Variants in SVIL observed in about 807,000 individuals in gnomAD.
The protein encoded by SVIL is supervillin, also known as archvillin.
Under a neutral mutation model 240.4 loss-of-function variants are expected in SVIL, and 101 were observed. That is an observed-to-expected ratio of 0.42 (90% CI 0.36 to 0.50). SVIL has a LOEUF of 0.50. Among genes scored for constraint, SVIL ranks in the 20% least tolerant of loss-of-function variants. SVIL has a pLI of 0.01. For synonymous variants in SVIL, 999 were observed against 1,100.0 expected, an observed-to-expected ratio of 0.91 and a Z score of 1.82; for missense variants, 2,512 against 2,818.7, an observed-to-expected ratio of 0.89 and a Z score of 2.46.
At chr10:29,551,844 C>G (rs1035722993) in intron 5 of SVIL, among the ~76,000 whole-genome samples, 2 of 152,162 alleles carry the variant, frequency 1.3e-5, no homozygotes, top group African/African-American at 4.8e-5. Context: ...GGCATAGTGG[C>G]TCACACCTGT....
chr10:29,711,914 A>G (rs1963313847), intron 1 of SVIL: 1 of 145,460 alleles, frequency 6.9e-6, no homozygotes, highest in Non-Finnish European at 1.6e-5. Context: ...ATTACAGTAC[A>G]TGTACTAAAA....
chr10:29,623,779 A>T (rs183646580), intron 1 of SVIL, among the ~76,000 whole-genome samples: 264 of 150,864 alleles, frequency 1.7e-3, no homozygotes, highest in Non-Finnish European at 2.9e-3. Flanking sequence ...TGAACCCAGG[A>T]GGGGGAGGTT....
chr10:29,490,737 C>G (rs1430824968), intron 22 of SVIL, 110 bp downstream of exon 22: 1 of 1,357,560 alleles, frequency 7.4e-7, no homozygotes, highest in East Asian at 2.3e-5. Flanking sequence ...TCATGAGGGT[C>G]TTCTGAGCAC....
intron 6 of SVIL, among the ~76,000 whole-genome samples, chr10:29,540,771 C>A (rs1952088445): frequency 6.6e-6 from 1 of 152,180 alleles, no homozygotes; most frequent in Non-Finnish European, 1.5e-5. Context: ...AGTGCCGTTT[C>A]CACCGTCAGA....
At chr10:29,635,092 G>T (rs531073543), upstream of SVIL, 2 of 152,294 alleles carry the variant, frequency 1.3e-5, no homozygotes, top group East Asian at 1.9e-4. Flanking sequence ...CAGCAGGCCT[G>T]GCCAGCAGCT....
chr10:29,626,216 C>A (rs1957860820), intron 1 of SVIL, among the ~76,000 whole-genome samples: 1 of 152,094 alleles, frequency 6.6e-6, no homozygotes, highest in Non-Finnish European at 1.5e-5. Flanking sequence ...CGGTTATGGC[C>A]CCTACATCAG....
At chr10:29,685,275 T>C (rs1295366222) in intron 2 of SVIL, among the ~76,000 whole-genome samples, 1 of 152,256 alleles carries the variant, frequency 6.6e-6, no homozygotes, top group African/African-American at 2.4e-5. Context: ...GTCTGTGTAG[T>C]ATTCCATAGT....
chr10:29,545,853 C>CAAAAAAAAAAAA (rs755360700), intron 6 of SVIL, among the ~76,000 whole-genome samples: 25 of 63,558 alleles, frequency 3.9e-4, no homozygotes, highest in South Asian at 2.0e-3. Context: ...GACTCTGTCT[C>CAAAAAAAAAAAA]AAAAAAAAAA....
At position 29,585,831 on chromosome 10, in the gene SVIL, G is replaced by A. The variant is rs577808435; in HGVS notation, c.-200-16519C>T. Among the ~76,000 whole-genome samples, 12 of 152,332 alleles carry A rather than the reference G, an allele frequency of 7.9e-5. No homozygotes were observed. In the South Asian group the frequency reaches 1.7e-3, roughly 21 times the overall value. ...AGCCGCGGTTCGCGTCTGTCTTCCC[G>A]GCAGGTGTCCGACGCCTCAGCTCAA... is the stretch of plus-strand genomic sequence containing the variant. On this transcript the variant is annotated intron_variant, in intron 1 of 37. Transcript: ENST00000355867.
At chr10:29,490,826 G>A (rs752261328) in intron 22 of SVIL, 21 bp downstream of exon 22, 38 of 1,612,032 alleles carry the variant, frequency 2.4e-5, no homozygotes, top group Non-Finnish European at 3.2e-5. Context: ...ACAGAAGCAG[G>A]GTGGGGGTTC....
intron 1 of SVIL, among the ~76,000 whole-genome samples, chr10:29,692,637 T>C (rs1052333004): frequency 2.0e-5 from 3 of 149,450 alleles, no homozygotes; most frequent in African/African-American, 2.4e-5. Context: ...TATTTATATG[T>C]ATATATGATA....
At chr10:29,622,813 G>A (rs1452070412) in intron 1 of SVIL, among the ~76,000 whole-genome samples, 3 of 152,124 alleles carry the variant, frequency 2.0e-5, no homozygotes, top group Non-Finnish European at 4.4e-5. Flanking sequence ...ACTCTGTCCC[G>A]GAATTCAAAG....
intron 1 of SVIL, among the ~76,000 whole-genome samples, chr10:29,605,807 C>T (rs1377896175): frequency 6.6e-6 from 1 of 150,652 alleles, no homozygotes; most frequent in African/African-American, 2.4e-5. Flanking sequence ...TGATTTTTAT[C>T]AATCTTTTCT....
Position 29,523,563 on chromosome 10 carries a change from T to G in SVIL, c.3051A>C (p.Glu1017Asp), listed in dbSNP as rs767725298. The part of the protein sequence containing the change: ...PITHLGDEPK[E>D]FSMAKMNAQG... ...GTGCATTCATTTTAGCCATGGAAAATTCCTTCGGTTCATCCCCGAGGTGGG... is the reference window on the plus strand; with the variant it reads ...GTGCATTCATTTTAGCCATGGAAAAGTCCTTCGGTTCATCCCCGAGGTGGG... The change falls in exon 15 of 38, where the codon GAA becomes GAC. Residue 1017 changes from glutamate (E) to aspartate (D), a missense_variant. Physicochemically the swap from Glu to Asp is conservative, Grantham distance 45. Transcript: ENST00000355867. The G allele has an allele frequency of 1.2e-6, 2 of 1,614,186 alleles. No homozygotes were observed. Among genetic ancestry groups the G allele is most frequent in the Non-Finnish European group, 1.7e-6 (2 of 1,180,020 alleles).
chr10:29,480,441 G>A (rs1205710875), intron 29 of SVIL, 96 bp downstream of exon 29: 2 of 1,492,636 alleles, frequency 1.3e-6, no homozygotes, highest in East Asian at 2.3e-5. Context: ...CACGGACGCA[G>A]CAGAGGGCAT....
intron 2 of SVIL, among the ~76,000 whole-genome samples, chr10:29,565,347 C>T (rs576730816): frequency 3.3e-5 from 5 of 152,326 alleles, no homozygotes; most frequent in African/African-American, 4.8e-5. Flanking sequence ...TCTCGAAACA[C>T]GCTACAAATA....
upstream of SVIL, among the ~76,000 whole-genome samples, chr10:29,636,411 T>G (rs1958312834): frequency 6.6e-6 from 1 of 152,200 alleles, no homozygotes; most frequent in South Asian, 2.1e-4. Context: ...TGCTATTTCC[T>G]TCCTAAAAAA....
intron 17 of SVIL, among the ~76,000 whole-genome samples, chr10:29,507,547 A>AACAC (rs1949462800): frequency 7.9e-6 from 1 of 125,804 alleles, no homozygotes; most frequent in Non-Finnish European, 1.7e-5. Context: ...ATTCTCACAG[A>AACAC]TACACACTCA....
chr10:29,660,337 TG>T (rs1187781537), intron 2 of SVIL, among the ~76,000 whole-genome samples: 6 of 151,252 alleles, frequency 4.0e-5, no homozygotes, highest in African/African-American at 4.9e-5. Flanking sequence ...AAAGGCAGGG[TG>T]GGGTGGCTCA....
Sources: allele counts gnomAD v4.1 joint callset (sites outside exome capture counted in the v4.1 genomes callset), GRCh38; gene constraint gnomAD v4.1.1; transcripts MANE v1.5; gene names NCBI Gene and HGNC (gene_info 2026-07-23, HGNC 2026-07-21).